The following BEAN1 variants were observed in gnomAD, a reference collection of about 807,000 sequenced individuals.
BEAN1 encodes protein BEAN1.
In BEAN1, 17 loss-of-function variants were observed where a neutral mutation model predicts 17.7. That is an observed-to-expected ratio of 0.96 (90% CI 0.66 to 1.44). BEAN1 has a LOEUF of 1.44. Among genes scored for constraint, BEAN1 ranks in the 40% most tolerant of loss-of-function variants. The probability of loss-of-function intolerance (pLI) is 0.00; values close to 1 mark genes in which losing one functional copy is unlikely to be tolerated. For synonymous variants in BEAN1, 142 were observed against 151.8 expected (o/e 0.94, Z 0.47); for missense variants, 359 against 374.1 (o/e 0.96, Z 0.33).
At chr16:66,492,783 C>T (rs942774196) in intron 4 of BEAN1, among the ~76,000 whole-genome samples, 8 of 152,134 alleles carry the variant, frequency 5.3e-5, no homozygotes, top group Non-Finnish European at 7.3e-5. Flanking sequence ...TGTCTTTGAG[C>T]CTCAGTGTAC....
chr16:66,451,637 A>G (rs1962677029), intron 2 of BEAN1, among the ~76,000 whole-genome samples: 1 of 152,236 alleles, frequency 6.6e-6, no homozygotes, highest in Non-Finnish European at 1.5e-5. Flanking sequence ...GGCACCTATT[A>G]TGAGCCAGGC....
At chr16:66,490,430 A>AT (rs1964155966) in intron 4 of BEAN1, among the ~76,000 whole-genome samples, 1 of 140,510 alleles carries the variant, frequency 7.1e-6, no homozygotes, top group Non-Finnish European at 1.5e-5. Context: ...AAAATAAAAT[A>AT]AAATAAAATA....
chr16:66,439,430 G>GC (rs1200687651), intron 2 of BEAN1, among the ~76,000 whole-genome samples: 2 of 152,226 alleles, frequency 1.3e-5, no homozygotes, highest in Non-Finnish European at 1.5e-5. Flanking sequence ...TTCTGGCCAG[G>GC]CAGGAGCAGC....
chr16:66,480,944 T>A lies in BEAN1; in HGVS notation c.*19T>A. The A allele has an allele frequency of 7.0e-7, 1 of 1,419,278 alleles. No individual in the cohort carries two copies. 87.9% of individuals were successfully genotyped at this position (1,419,278 alleles called of 1,614,324 possible). ...TGTGTGAGGGACCCAGCCAGCCGGG[T>A]CCTGCTGGTCCCTACAGGCTGAACC... On this transcript the variant is annotated 3_prime_UTR_variant, in exon 5 of 5. Transcript: ENST00000536005.
At chr16:66,479,374 T>C (rs1393018733) in intron 4 of BEAN1, among the ~76,000 whole-genome samples, 1 of 152,012 alleles carries the variant, frequency 6.6e-6, no homozygotes, top group Non-Finnish European at 1.5e-5. Flanking sequence ...AGGGTTGGGT[T>C]GGCCTCAGGC....
At chr16:66,488,570 G>A (rs1359284349) in intron 4 of BEAN1, among the ~76,000 whole-genome samples, 1 of 151,046 alleles carries the variant, frequency 6.6e-6, no homozygotes, top group Admixed American at 6.6e-5. Flanking sequence ...GCTATGGGGT[G>A]TGCCTGTAGT....
At chr16:66,450,101 T>A (rs1567490762) in intron 2 of BEAN1, among the ~76,000 whole-genome samples, 1 of 152,280 alleles carries the variant, frequency 6.6e-6, no homozygotes, top group East Asian at 1.9e-4. Context: ...TAACAAATGT[T>A]TACATATCAT....
downstream of BEAN1, chr16:66,483,804 G>A (rs1026859236): frequency 2.0e-5 from 3 of 152,530 alleles, no homozygotes; most frequent in South Asian, 2.1e-4. Flanking sequence ...GAAAGACCAC[G>A]AGATAGGCTC....
At chr16:66,493,495 C>T (rs1017304429) in exon 5 of BEAN1, 36 of 599,986 alleles carry the variant, frequency 6.0e-5, no homozygotes, top group Middle Eastern at 4.4e-4. Flanking sequence ...TCCTGCCTTG[C>T]TTCAGTGACC....
At chr16:66,428,604 C>CTA (rs1961672548) in intron 1 of BEAN1, 1 of 152,302 alleles carries the variant, frequency 6.6e-6, no homozygotes, top group Non-Finnish European at 1.5e-5. Context: ...ACAAACCTCT[C>CTA]TGAGCCTTAG....
In BEAN1 at chr16:66,444,422, A is replaced by C. The variant is rs115334095; in HGVS notation, c.25+6721A>C. Among the ~76,000 whole-genome samples the C allele has an allele frequency of 5.3e-3, 805 of 152,068 alleles. 4 individuals carry two copies. The highest frequency in any genetic ancestry group is 0.019 in the African/African-American group (773 of 41,480). On this transcript the variant is annotated intron_variant, in intron 2 of 4. Coordinates refer to ENST00000536005, the MANE Select transcript of BEAN1 (RefSeq NM_001178020.3). ...TTTGAGGCTGCAGGTGGAGCCAGCC[A>C]ATGACAGGTGGCTGGAGGCAGGTCC... is the stretch of plus-strand genomic sequence containing the variant.
chr16:66,445,523 G>A (rs71392149), intron 2 of BEAN1, among the ~76,000 whole-genome samples: 12,018 of 132,730 alleles, frequency 0.091, 777 homozygotes, highest in Middle Eastern at 0.21. Context: ...AAAGCAGAGT[G>A]AGGTGATGGG....
intron 2 of BEAN1, among the ~76,000 whole-genome samples, chr16:66,438,315 C>T (rs1212464498): frequency 2.7e-5 from 4 of 150,648 alleles, no homozygotes; most frequent in African/African-American, 4.9e-5. Context: ...ATCCGGGAGG[C>T]GGAGGTTGCA....
At chr16:66,477,045 C>G (rs899134535) in intron 3 of BEAN1, among the ~76,000 whole-genome samples, 1 of 152,108 alleles carries the variant, frequency 6.6e-6, no homozygotes, top group Non-Finnish European at 1.5e-5. Flanking sequence ...ATGCCCAGCC[C>G]AACTCCACAG....
At chr16:66,492,959 T>C (rs1964195241) in intron 4 of BEAN1, 3 of 702,560 alleles carry the variant, frequency 4.3e-6, no homozygotes, top group African/African-American at 3.5e-5. Context: ...TTGTCTGTTC[T>C]AGATGTACAC....
rs1019840364 is a variant in BEAN1, at chr16:66,473,134, G to A, written c.289+3269G>A. On this transcript the variant is annotated intron_variant, in intron 3 of 4. Coordinates refer to ENST00000536005, the MANE Select transcript of BEAN1 (RefSeq NM_001178020.3). This position sits in a 1 kb window ranked among gnomAD's most constrained non-coding sequence, Gnocchi z 4.5. ...CCACAGTAGTTCCCAAGCTGAGAGGGCTGAGGGGTTGGCCTTGGCGCAGAG... is the reference window on the plus strand; with the variant it reads ...CCACAGTAGTTCCCAAGCTGAGAGGACTGAGGGGTTGGCCTTGGCGCAGAG... Among the ~76,000 whole-genome samples the A allele has an allele frequency of 1.3e-5, 2 of 152,212 alleles. No individual in the cohort carries two copies. The highest frequency in any genetic ancestry group is 4.8e-5 in the African/African-American group (2 of 41,460).
intron 2 of BEAN1, among the ~76,000 whole-genome samples, chr16:66,439,993 C>A (rs982441966): frequency 1.3e-5 from 2 of 152,194 alleles, no homozygotes; most frequent in East Asian, 1.9e-4. Context: ...CTTCCAGCAC[C>A]CACAATCAGC....
At chr16:66,450,107 A>G (rs753462901) in intron 2 of BEAN1, among the ~76,000 whole-genome samples, 1 of 152,254 alleles carries the variant, frequency 6.6e-6, no homozygotes, top group Non-Finnish European at 1.5e-5. Context: ...ATGTTTACAT[A>G]TCATTTCAAT....
rs894683658 is a variant in BEAN1 at position 66,475,070 on chromosome 16, C to T, written c.290-2490C>T. On this transcript the variant is annotated intron_variant, in intron 3 of 4. Coordinates refer to ENST00000536005, the MANE Select transcript of BEAN1 (RefSeq NM_001178020.3). ...CTTGGAGTGATGTTAAATAATGAAC[C>T]AAGGTATCGGGGTAAACAGGAGGTT... Among the ~76,000 whole-genome samples, 5 of 152,268 alleles carry T rather than the reference C, an allele frequency of 3.3e-5. No individual in the cohort carries two copies. The East Asian group carries it at 9.7e-4, about 29-fold the overall frequency.
Sources: gnomAD v4.1 joint callset for allele counts (sites outside exome capture counted in the v4.1 genomes callset) on GRCh38, gnomAD v4.1.1 for gene constraint, Gnocchi (gnomAD v3.1) non-coding constraint, MANE v1.5 for transcripts, NCBI Gene and HGNC (gene_info 2026-07-23, HGNC 2026-07-21) for gene names.